The following HDAC4 variants were observed in gnomAD, a reference collection of about 807,000 sequenced individuals.
The protein encoded by HDAC4 is histone deacetylase A.
A neutral mutation model predicts 135.1 loss-of-function variants in HDAC4; 16 were observed. The observed-to-expected ratio is 0.12, with a 90% CI of 0.08 to 0.18. The LOEUF (loss-of-function observed/expected upper bound fraction) is 0.18, where lower values mean the gene tolerates loss of function less well. Ranked by LOEUF, HDAC4 falls within the 10% of genes least tolerant of loss-of-function variation. The probability of loss-of-function intolerance (pLI) is 1.00; values close to 1 mark genes in which losing one functional copy is unlikely to be tolerated. For missense variants in HDAC4, 1,143 were observed against 1,511.8 expected, an observed-to-expected ratio of 0.76 and a Z score of 4.05; for synonymous variants, 685 against 653.4, an observed-to-expected ratio of 1.05 and a Z score of -0.74.
intron 18 of HDAC4, 115 bp downstream of exon 18, chr2:239,089,894 C>G (rs1023645062): frequency 3.8e-6 from 3 of 797,688 alleles, no homozygotes; most frequent in Non-Finnish European, 6.8e-6. Context: ...CACGCCTCCC[C>G]ATCACAGCCG....
At chr2:239,143,790 C>G (rs115984797) in intron 8 of HDAC4, among the ~76,000 whole-genome samples, 1,932 of 152,376 alleles carry the variant, frequency 0.013, 41 homozygotes, top group African/African-American at 0.044. Context: ...CTCAGTGGAA[C>G]TGTGCCTTTC....
chr2:239,218,203 T>C (rs562781304), intron 3 of HDAC4, among the ~76,000 whole-genome samples: 35 of 152,214 alleles, frequency 2.3e-4, no homozygotes, highest in Admixed American at 1.4e-3. Context: ...AATTACCAGA[T>C]TGGATAAAAA....
chr2:239,080,779 C>T (rs1386946672), intron 22 of HDAC4: 7 of 364,018 alleles, frequency 1.9e-5, no homozygotes, highest in Non-Finnish European at 3.0e-5. Flanking sequence ...TCTTTGCCTT[C>T]GTTTCTCATG....
intron 7 of HDAC4, among the ~76,000 whole-genome samples, chr2:239,149,863 T>G (rs2042001907): frequency 6.6e-6 from 1 of 151,856 alleles, no homozygotes; most frequent in Non-Finnish European, 1.5e-5. Context: ...GTGGAGGGGG[T>G]GGGGAAAATG....
rs74928530 is a variant in HDAC4 at position 239,224,215 on chromosome 2, C to T, written c.94+12378G>A. On this transcript the variant is annotated intron_variant, in intron 3 of 26. Coordinates refer to ENST00000543185, the MANE Select transcript of HDAC4 (RefSeq NM_001378414.1). Reference sequence around the variant, plus strand: ...CTGCAGGCTAAGGAAATCCCATCTACGTCAGATATCTCTAGAATTTGTACC... The same window carrying T: ...CTGCAGGCTAAGGAAATCCCATCTATGTCAGATATCTCTAGAATTTGTACC... Among the ~76,000 whole-genome samples, 896 of 152,312 alleles carry T rather than the reference C, an allele frequency of 5.9e-3. 4 individuals are homozygous for T. Among genetic ancestry groups the T allele is most frequent in the Middle Eastern group, 0.01 (3 of 294 alleles).
At position 239,331,051 on chromosome 2, in the gene HDAC4, GGGA is replaced by G. The variant is rs145646524; in HGVS notation, c.22+21624_22+21626del. ...CCTTGGCTGCCCGAAATTCGGAGTG[GGGA>G]GGAAGGCAGATATGCCTGAATACAG... On this transcript the variant is annotated intron_variant, in intron 2 of 26. Coordinates refer to ENST00000543185, the MANE Select transcript of HDAC4 (RefSeq NM_001378414.1). The surrounding 1 kb of genome is among the most constrained non-coding windows in gnomAD (Gnocchi z 4.5). Among the ~76,000 whole-genome samples, 2,945 of 152,276 alleles carry G rather than the reference GGGA, an allele frequency of 0.019. 94 individuals carry two copies. Among genetic ancestry groups the G allele is most frequent in the African/African-American group, 0.068 (2,805 of 41,532 alleles).
intron 2 of HDAC4, among the ~76,000 whole-genome samples, chr2:239,236,870 G>A (rs910783152): frequency 6.6e-6 from 1 of 152,190 alleles, no homozygotes; most frequent in Non-Finnish European, 1.5e-5. Context: ...CTGAGATATG[G>A]CAAACGCCCG....
chr2:239,279,424 T>C (rs1185851866), intron 2 of HDAC4, among the ~76,000 whole-genome samples: 1 of 152,136 alleles, frequency 6.6e-6, no homozygotes, highest in Non-Finnish European at 1.5e-5. Context: ...GACGAGAAAA[T>C]CAAGGTTCAA....
chr2:239,144,797 CA>C (rs2041642645), intron 7 of HDAC4, 83 bp from the exon 8 acceptor site: 1 of 1,404,308 alleles, frequency 7.1e-7, no homozygotes. Flanking sequence ...TAAAAATACG[CA>C]CTCTGGTGAG....
At chr2:239,214,627 C>T (rs1171588408) in intron 3 of HDAC4, among the ~76,000 whole-genome samples, 1 of 152,132 alleles carries the variant, frequency 6.6e-6, no homozygotes, top group Non-Finnish European at 1.5e-5. Flanking sequence ...GCTCGCCACG[C>T]GTGGCAATGC....
At chr2:239,201,374 G>A (rs1197353007) in intron 3 of HDAC4, among the ~76,000 whole-genome samples, 1 of 152,188 alleles carries the variant, frequency 6.6e-6, no homozygotes, top group East Asian at 1.9e-4. Context: ...GCATCCCTGA[G>A]GCCTCAGAAC....
chr2:239,267,520 C>T (rs181701276), intron 2 of HDAC4, among the ~76,000 whole-genome samples: 4 of 152,384 alleles, frequency 2.6e-5, no homozygotes, highest in East Asian at 1.9e-4. Flanking sequence ...CAACTGTTCC[C>T]GGAAGGGCTT....
At chr2:239,276,475 C>G (rs1404800464) in intron 2 of HDAC4, among the ~76,000 whole-genome samples, 1 of 152,246 alleles carries the variant, frequency 6.6e-6, no homozygotes, top group Non-Finnish European at 1.5e-5. Flanking sequence ...ACGGACCTCC[C>G]AACTAGGCCA....
At chr2:239,332,966 A>G (rs962329916) in intron 2 of HDAC4, among the ~76,000 whole-genome samples, 37 of 152,290 alleles carry the variant, frequency 2.4e-4, no homozygotes, top group African/African-American at 7.7e-4. Flanking sequence ...TGCAGATGGA[A>G]TGTAAAAAAT....
chr2:239,164,240 A>T (rs973639340), intron 5 of HDAC4, among the ~76,000 whole-genome samples: 1 of 152,258 alleles, frequency 6.6e-6, no homozygotes, highest in African/African-American at 2.4e-5. Context: ...AACACTCTGA[A>T]TTAGGCAGTG....
chr2:239,231,921 C>G (rs1447367187), intron 3 of HDAC4, among the ~76,000 whole-genome samples: 1 of 147,202 alleles, frequency 6.8e-6, no homozygotes, highest in African/African-American at 2.5e-5. Context: ...GTGTCCTCCC[C>G]GAAGCGCCCC....
chr2:239,316,112 C>T (rs188776283), intron 2 of HDAC4, among the ~76,000 whole-genome samples: 7 of 152,286 alleles, frequency 4.6e-5, no homozygotes, highest in Admixed American at 1.3e-4. Context: ...ACTGAAATAT[C>T]CTTCATCTAC....
At chr2:239,112,222 C>G (rs185297373) in intron 13 of HDAC4, among the ~76,000 whole-genome samples, 14 of 152,286 alleles carry the variant, frequency 9.2e-5, no homozygotes, top group African/African-American at 3.4e-4. Flanking sequence ...GGGACCACAG[C>G]GTCCACTCTG....
At chr2:239,085,305 T>A (rs2035826962) in intron 19 of HDAC4, among the ~76,000 whole-genome samples, 1 of 152,164 alleles carries the variant, frequency 6.6e-6, no homozygotes, top group African/African-American at 2.4e-5. Flanking sequence ...AAACAAGCTA[T>A]GAAAGTGATT....
Sources: allele counts gnomAD v4.1 joint callset (sites outside exome capture counted in the v4.1 genomes callset), GRCh38; gene constraint gnomAD v4.1.1; non-coding constraint Gnocchi (gnomAD v3.1); transcripts MANE v1.5; gene names NCBI Gene and HGNC (gene_info 2026-07-23, HGNC 2026-07-21).